The following RGL1 variants were observed in gnomAD, a reference collection of about 807,000 sequenced individuals.
RGL1 encodes the protein ral guanine nucleotide dissociation stimulator like 1.
Under a neutral mutation model 95.2 loss-of-function variants are expected in RGL1, and 24 were observed. The ratio of observed to expected loss-of-function variants is 0.25; its 90% confidence interval spans 0.18 to 0.35. The LOEUF (loss-of-function observed/expected upper bound fraction) is 0.35. Ranked by LOEUF, RGL1 falls within the 10% of genes least tolerant of loss-of-function variation. The pLI is 1.00. For missense variants in RGL1, 715 were observed against 936.3 expected (o/e 0.76, Z 3.08); for synonymous variants, 329 against 344.9 (o/e 0.95, Z 0.51).
At chr1:183,924,399 A>T (rs1362972724) in intron 17 of RGL1, among the ~76,000 whole-genome samples, 1 of 152,172 alleles carries the variant, frequency 6.6e-6, no homozygotes, top group East Asian at 1.9e-4. Flanking sequence ...TCTCACTCAT[A>T]AGTGGGAGTT....
intron 15 of RGL1, 103 bp downstream of exon 15, chr1:183,912,371 AT>A: frequency 1.1e-6 from 1 of 938,042 alleles, no homozygotes; most frequent in South Asian, 1.9e-5. Context: ...ACTCTATAGT[AT>A]TTTGAAAGTC....
At chr1:183,666,252 G>A (rs1180454084) in intron 1 of RGL1, among the ~76,000 whole-genome samples, 1 of 151,952 alleles carries the variant, frequency 6.6e-6, no homozygotes, top group African/African-American at 2.4e-5. Flanking sequence ...TGATCCACCC[G>A]CCTCGGCCTC....
At chr1:183,874,758 G>GA in intron 4 of RGL1, among the ~76,000 whole-genome samples, 1 of 151,896 alleles carries the variant, frequency 6.6e-6, no homozygotes, top group East Asian at 1.9e-4. Flanking sequence ...TCCTTTCCAG[G>GA]AAAAAAACAA....
intron 2 of RGL1, among the ~76,000 whole-genome samples, chr1:183,793,817 C>A (rs1371360826): frequency 6.6e-6 from 1 of 151,838 alleles, no homozygotes; most frequent in African/African-American, 2.4e-5. Context: ...TTAGGATAAC[C>A]ATTATGGAAA....
At chr1:183,753,899 C>T (rs1342627457) in intron 2 of RGL1, among the ~76,000 whole-genome samples, 2 of 150,700 alleles carry the variant, frequency 1.3e-5, no homozygotes, top group African/African-American at 4.9e-5. Context: ...TCTTTTGGCT[C>T]TTGAACATGG....
chr1:183,836,562 C>G (rs970570689), intron 2 of RGL1, among the ~76,000 whole-genome samples: 8 of 152,296 alleles, frequency 5.3e-5, no homozygotes, highest in African/African-American at 1.7e-4. Context: ...GCCACTGCGC[C>G]CAGCCTTCAG....
chr1:183,775,839 T>A (rs1659562929), intron 2 of RGL1, among the ~76,000 whole-genome samples: 1 of 152,184 alleles, frequency 6.6e-6, no homozygotes, highest in East Asian at 1.9e-4. Context: ...AAAATAGTCT[T>A]GAATAGACTG....
At chr1:183,781,441 T>C (rs1198776272) in intron 2 of RGL1, among the ~76,000 whole-genome samples, 1 of 152,176 alleles carries the variant, frequency 6.6e-6, no homozygotes, top group Non-Finnish European at 1.5e-5. Flanking sequence ...TATGGAATAT[T>C]TATTAAGTTT....
intron 1 of RGL1, among the ~76,000 whole-genome samples, chr1:183,733,787 A>G (rs1656771854): frequency 6.6e-6 from 1 of 152,192 alleles, no homozygotes; most frequent in South Asian, 2.1e-4. Context: ...GACACTAATT[A>G]AAGGGTCTTC....
At chr1:183,807,440 G>A (rs1032853542) in intron 2 of RGL1, among the ~76,000 whole-genome samples, 1 of 152,236 alleles carries the variant, frequency 6.6e-6, no homozygotes, top group African/African-American at 2.4e-5. Flanking sequence ...GCGGCTTGGA[G>A]TCTCTGAAAA....
intron 1 of RGL1, among the ~76,000 whole-genome samples, chr1:183,728,976 G>C (rs891168168): frequency 6.6e-6 from 1 of 151,992 alleles, no homozygotes; most frequent in Non-Finnish European, 1.5e-5. Context: ...GTACACAACT[G>C]GATAATCTTA....
In RGL1 at chr1:183,648,281, T is replaced by C. The variant is rs750622205; in HGVS notation, c.-33+11780T>C. On this transcript the variant is annotated intron_variant, in intron 1 of 18. Coordinates refer to the RGL1 transcript ENST00000304685. ...TCCGGAGAGCTTCGCGGTTCCATGC[T>C]GAGGCAGGAAAGTCCATCTCAGTAT... The C allele has an allele frequency of 2.7e-5, 43 of 1,614,068 alleles. No individual in the cohort carries two copies. The Admixed American group carries it at 6.7e-4, about 25-fold the overall frequency.
chr1:183,676,961 C>T (rs1357823242), intron 1 of RGL1, among the ~76,000 whole-genome samples: 1 of 151,380 alleles, frequency 6.6e-6, no homozygotes, highest in African/African-American at 2.4e-5. Context: ...AAGCACTTAG[C>T]AATCCCAAAT....
intron 1 of RGL1, chr1:183,653,104 C>T (rs150128881): frequency 6.9e-4 from 105 of 152,324 alleles, no homozygotes; most frequent in African/African-American, 2.5e-3. Flanking sequence ...GATCACATTC[C>T]AGGTGTTAGA....
rs572840767 is a variant in RGL1 at position 183,895,904 on chromosome 1, C to G, written c.1141-1904C>G. Among the ~76,000 whole-genome samples, 4 of 152,330 alleles carry G rather than the reference C, an allele frequency of 2.6e-5. No individual in the cohort carries two copies. In the East Asian group the frequency reaches 7.7e-4, roughly 29 times the overall value. ...AGCTCCCCATCTCAGGCGTTTCTCT[C>G]TCCTATCTAATGAGGAGGTTGTCTT... On this transcript the variant is annotated intron_variant, in intron 9 of 17. Transcript: ENST00000360851.
chr1:183,724,328 C>T lies in RGL1; in HGVS notation c.-32-17798C>T, dbSNP rs576673951. ...TCATCTTGCAGCTTAGGTACCAGCT[C>T]AGCCACAGCAGGGTAGAGCACTAAG... is the stretch of plus-strand genomic sequence containing the variant. On this transcript the variant is annotated intron_variant, in intron 1 of 18. Coordinates refer to the RGL1 transcript ENST00000304685. The surrounding 1 kb of genome is among the most constrained non-coding windows in gnomAD (Gnocchi z 4.1). 2.0e-5 allele frequency among the ~76,000 whole-genome samples: 3 copies of T among 152,268 alleles called. No individual in the cohort carries two copies. The highest frequency in any genetic ancestry group is 6.5e-5 in the Admixed American group (1 of 15,300).
At chr1:183,763,343 A>G (rs1218334916) in intron 2 of RGL1, among the ~76,000 whole-genome samples, 6 of 152,164 alleles carry the variant, frequency 3.9e-5, no homozygotes, top group African/African-American at 1.4e-4. Flanking sequence ...CCTATATAAC[A>G]AACCTGCACG....
intron 11 of RGL1, among the ~76,000 whole-genome samples, chr1:183,902,206 A>T (rs1346065806): frequency 6.6e-6 from 1 of 152,236 alleles, no homozygotes; most frequent in Non-Finnish European, 1.5e-5. Context: ...CGTATGAGTC[A>T]ATGACCATCT....
At chr1:183,729,889 A>G (rs989808546) in intron 1 of RGL1, among the ~76,000 whole-genome samples, 3 of 152,214 alleles carry the variant, frequency 2.0e-5, no homozygotes, top group Non-Finnish European at 2.9e-5. Context: ...ATGATATTCA[A>G]TATAAACCTC....
Sources: allele counts gnomAD v4.1 joint callset (sites outside exome capture counted in the v4.1 genomes callset), GRCh38; gene constraint gnomAD v4.1.1; non-coding constraint Gnocchi (gnomAD v3.1); transcripts MANE v1.5; gene names NCBI Gene and HGNC (gene_info 2026-07-23, HGNC 2026-07-21).